Variants in ZNF280D observed in about 807,000 individuals in gnomAD.
ZNF280D encodes the protein zinc finger protein 280D, also known as suppressor of hairy wing homolog 4.
Under a neutral mutation model 94.7 loss-of-function variants are expected in ZNF280D, and 39 were observed. The ratio of observed to expected loss-of-function variants is 0.41; its 90% CI spans 0.32 to 0.54. The LOEUF is 0.54. ZNF280D is among the 20% of genes least tolerant of loss of function. The pLI is 0.22. For missense variants in ZNF280D, 1,090 were observed against 1,149.3 expected (o/e 0.95, Z 0.75); for synonymous variants, 398 against 377.6 (o/e 1.05, Z -0.63).
At position 56,668,965 on chromosome 15, in the gene ZNF280D, G is replaced by A. The variant is rs2054488794; in HGVS notation, c.1411-8C>T. Reference sequence around the variant, plus strand: ...ACGATGTATTCCTTTTTTCTGTTTAGAAAAAAACAGAAAAAGGGGGAAAAA... The same window carrying A: ...ACGATGTATTCCTTTTTTCTGTTTAAAAAAAAACAGAAAAAGGGGGAAAAA... On this transcript the variant is annotated splice_polypyrimidine_tract_variant and splice_region_variant and intron_variant, in intron 13 of 21. Transcript: ENST00000267807. 1.3e-6 allele frequency: 2 copies of A among 1,589,050 alleles called. No individual in the cohort carries two copies. Among genetic ancestry groups the A allele is most frequent in the East Asian group, 2.3e-5 (1 of 43,766 alleles).
At chr15:56,682,207 T>G (rs765558054) in intron 10 of ZNF280D, 47 bp downstream of exon 10, 17 of 1,319,464 alleles carry the variant, frequency 1.3e-5, no homozygotes, top group Non-Finnish European at 1.8e-5. Context: ...CATTTTTATT[T>G]GCAGCATTTC....
intron 6 of ZNF280D, among the ~76,000 whole-genome samples, chr15:56,695,514 A>G (rs1442379280): frequency 1.3e-5 from 2 of 150,260 alleles, no homozygotes; most frequent in Non-Finnish European, 2.9e-5. Context: ...AACTGATAAA[A>G]CTATTGTGCA....
intron 1 of ZNF280D, among the ~76,000 whole-genome samples, chr15:56,725,903 C>G (rs542638774): frequency 3.3e-4 from 50 of 151,912 alleles, no homozygotes; most frequent in African/African-American, 1.2e-3. Context: ...CATACATCAT[C>G]CCAAAAATTA....
intron 19 of ZNF280D, among the ~76,000 whole-genome samples, chr15:56,647,824 C>A (rs2052983665): frequency 6.6e-6 from 1 of 152,204 alleles, no homozygotes; most frequent in Admixed American, 6.5e-5. Context: ...AGCTACCACA[C>A]CTGGCCACCA....
chr15:56,689,484 A>T lies in ZNF280D; in HGVS notation c.500-14T>A. ...TTTCACTCATACCTACAATAATTTA[A>T]ATAGTGAGAAAAATATTTTTTAAAA... On this transcript the variant is annotated splice_polypyrimidine_tract_variant and intron_variant, in intron 7 of 21. Coordinates refer to ENST00000267807, the MANE Select transcript of ZNF280D (RefSeq NM_017661.4). 2 of 1,426,920 alleles carry T rather than the reference A, an allele frequency of 1.4e-6. No individual in the cohort carries two copies. The highest frequency in any genetic ancestry group is 1.9e-6 in the Non-Finnish European group (2 of 1,064,384). The allele number at this position is 1,426,920 out of a possible 1,614,324, so 88.4% of individuals were successfully genotyped here.
intron 4 of ZNF280D, among the ~76,000 whole-genome samples, chr15:56,703,019 G>C (rs1356239600): frequency 6.6e-6 from 1 of 150,694 alleles, no homozygotes; most frequent in Non-Finnish European, 1.5e-5. Context: ...AAACAAACAA[G>C]TAAATGAAAT....
At chr15:56,665,899 G>T (rs919583036) in intron 16 of ZNF280D, among the ~76,000 whole-genome samples, 2 of 152,156 alleles carry the variant, frequency 1.3e-5, no homozygotes, top group Non-Finnish European at 2.9e-5. Context: ...ACTTTGGGAG[G>T]CCAAGGCGGG....
In ZNF280D at chr15:56,666,687, C is replaced by G; in HGVS notation, c.1845G>C (p.Arg615Ser). The G allele has an allele frequency of 9.4e-6, 15 of 1,596,828 alleles. No individual in the cohort carries two copies. Among genetic ancestry groups the G allele is most frequent in the Non-Finnish European group, 1.3e-5 (15 of 1,174,778 alleles). ...NKKSKVNTAL[R>S]NLRYRRGIHK... ...CAGGAATAAAAGATTACCTTAAATT[C>G]CTCAATGCTGTATTGACTTTACTTT... The change falls in exon 15 of 22, where the codon AGG becomes AGC. Residue 615 changes from arginine (R) to serine (S), a missense_variant. By Grantham distance (110) the Arg-to-Ser change is moderately radical (BLOSUM62 -1). Transcript: ENST00000267807.
At position 56,631,781 on chromosome 15, in the gene ZNF280D, A is replaced by C; in HGVS notation, c.2657T>G (p.Leu886Ter). 4 of 1,614,156 alleles carry C rather than the reference A, an allele frequency of 2.5e-6. No homozygotes were observed. The highest frequency in any genetic ancestry group is 3.4e-6 in the Non-Finnish European group (4 of 1,180,020). The change falls in exon 22 of 22, where the codon TTA (leucine) becomes TGA (stop). Residue 886 changes from leucine to a stop codon, truncating the protein, a stop_gained. Coordinates refer to ENST00000267807, the MANE Select transcript of ZNF280D (RefSeq NM_017661.4). LOFTEE classifies it high-confidence loss of function. ...FSSKNIKDLR[L>*]ASDNVSIDQF... ...ATCAATGCTTACATTATCTGATGCT[A>C]ATCGCAAATCCTTAATATTCTTTGA...
At chr15:56,650,670 ACT>A (rs1566935639) in intron 19 of ZNF280D, among the ~76,000 whole-genome samples, 1 of 152,106 alleles carries the variant, frequency 6.6e-6, no homozygotes, top group Non-Finnish European at 1.5e-5. Context: ...AGATTCTTAC[ACT>A]CTCAAGATCT....
At chr15:56,672,654 T>C (rs1385779672) in intron 13 of ZNF280D, among the ~76,000 whole-genome samples, 3 of 151,882 alleles carry the variant, frequency 2.0e-5, no homozygotes, top group Non-Finnish European at 2.9e-5. Flanking sequence ...TGTGGTTTTT[T>C]TTGTGTGTGT....
intron 6 of ZNF280D, chr15:56,700,598 A>C: frequency 8.6e-7 from 1 of 1,161,646 alleles, no homozygotes; most frequent in Non-Finnish European, 1.1e-6. Flanking sequence ...TTCCCAATTA[A>C]GAATACCTGG....
At chr15:56,670,067 C>CATATATATATAT (rs201081844) in intron 13 of ZNF280D, among the ~76,000 whole-genome samples, 1 of 42,846 alleles carries the variant, frequency 2.3e-5, no homozygotes, top group South Asian at 9.9e-4. Flanking sequence ...TGTTGTTTTA[C>CATATATATATAT]ATATATATAT....
chr15:56,697,982 G>A (rs925329851), intron 6 of ZNF280D: 2 of 152,150 alleles, frequency 1.3e-5, no homozygotes, highest in East Asian at 1.9e-4. Flanking sequence ...TGGTTGAGGA[G>A]TATTATTAAA....
intron 1 of ZNF280D, among the ~76,000 whole-genome samples, chr15:56,708,419 T>C (rs1596599682): frequency 6.6e-6 from 1 of 152,306 alleles, no homozygotes; most frequent in East Asian, 1.9e-4. Context: ...TTCAGATAAA[T>C]ACGTGATAAT....
intron 13 of ZNF280D, among the ~76,000 whole-genome samples, chr15:56,676,138 A>G (rs2055217348): frequency 6.6e-6 from 1 of 152,122 alleles, no homozygotes; most frequent in African/African-American, 2.4e-5. Context: ...TCATATACTG[A>G]TCAGTAAGTG....
intron 16 of ZNF280D, among the ~76,000 whole-genome samples, chr15:56,658,687 T>C (rs2053711903): frequency 6.6e-6 from 1 of 152,132 alleles, no homozygotes; most frequent in Non-Finnish European, 1.5e-5. Context: ...AATGACACTA[T>C]TTTCCTAGGC....
chr15:56,709,976 G>A (rs1273351654), intron 1 of ZNF280D, among the ~76,000 whole-genome samples: 1 of 152,098 alleles, frequency 6.6e-6, no homozygotes, highest in Non-Finnish European at 1.5e-5. Context: ...CCTGCATGTT[G>A]TGCACATGTA....
chr15:56,678,620 G>T, intron 11 of ZNF280D, 44 bp downstream of exon 11: 1 of 1,405,814 alleles, frequency 7.1e-7, no homozygotes, highest in Non-Finnish European at 9.5e-7. Context: ...ATTTATATTA[G>T]CGAAATCAAT....
Sources: gnomAD v4.1 joint callset for allele counts (sites outside exome capture counted in the v4.1 genomes callset) on GRCh38, gnomAD v4.1.1 for gene constraint, MANE v1.5 for transcripts, NCBI Gene and HGNC (gene_info 2026-07-23, HGNC 2026-07-21) for gene names.